Variants in PPP3CB observed in about 807,000 individuals in gnomAD.
The protein encoded by PPP3CB is serine/threonine-protein phosphatase 2B catalytic subunit beta isoform.
A neutral mutation model predicts 66.4 loss-of-function variants in PPP3CB; 8 were observed. The observed-to-expected ratio is 0.12, with a 90% CI of 0.07 to 0.22. PPP3CB has a LOEUF of 0.22. PPP3CB is among the 10% of genes least tolerant of loss of function. The pLI is 1.00. For missense variants in PPP3CB, 319 were observed against 642.5 expected (o/e 0.50, Z 5.44); for synonymous variants, 208 against 221.2 (o/e 0.94, Z 0.53).
intron 10 of PPP3CB, among the ~76,000 whole-genome samples, chr10:73,449,026 ACTG>A (rs1397413806): frequency 6.6e-6 from 1 of 152,242 alleles, no homozygotes; most frequent in Non-Finnish European, 1.5e-5. Flanking sequence ...CTGAAAAAAG[ACTG>A]CTAACAAATA....
Position 73,439,865 on chromosome 10 carries a change from A to G in PPP3CB, c.1396+7T>C. On this transcript the variant is annotated splice_region_variant and intron_variant, in intron 13 of 13. Coordinates refer to ENST00000360663, the MANE Select transcript of PPP3CB (RefSeq NM_021132.4). ...ATCTCTGCCCAGCACAAGGACTCTG[A>G]TCATACCTTTTTCAGCCTCAATAGC... The G allele has an allele frequency of 6.2e-7, 1 of 1,613,200 alleles. No homozygotes were observed. Among genetic ancestry groups the G allele is most frequent in the South Asian group, 1.1e-5 (1 of 91,044 alleles).
At chr10:73,484,074 T>C (rs1026865239) in intron 1 of PPP3CB, among the ~76,000 whole-genome samples, 1 of 151,706 alleles carries the variant, frequency 6.6e-6, no homozygotes, top group South Asian at 2.1e-4. Flanking sequence ...CCTGGTGGGG[T>C]GGAGGTTGTA....
intron 10 of PPP3CB, among the ~76,000 whole-genome samples, chr10:73,447,177 T>C (rs1444555717): frequency 6.6e-6 from 1 of 152,232 alleles, no homozygotes; most frequent in Admixed American, 6.5e-5. Flanking sequence ...AGGTGCCTAA[T>C]GTACCAGGTG....
Position 73,479,310 on chromosome 10 carries a change from A to C in PPP3CB, c.286+7T>G. 1 of 1,611,534 alleles carries C rather than the reference A, an allele frequency of 6.2e-7. No individual in the cohort carries two copies. The highest frequency in any genetic ancestry group is 8.5e-7 in the Non-Finnish European group (1 of 1,177,788). Reference sequence around the variant, plus strand: ...AAAAATAATACCCAAAACATGAATAAGCTTACCTGTGATTGGAGCTTCTAC... The same window carrying C: ...AAAAATAATACCCAAAACATGAATACGCTTACCTGTGATTGGAGCTTCTAC... On this transcript the variant is annotated splice_region_variant and intron_variant, in intron 2 of 13. Transcript: ENST00000360663.
At chr10:73,439,416 TCA>T (rs1444072068) in intron 13 of PPP3CB, among the ~76,000 whole-genome samples, 1 of 152,162 alleles carries the variant, frequency 6.6e-6, no homozygotes, top group African/African-American at 2.4e-5. Context: ...TCCTGTATTC[TCA>T]GTCAGGCACA....
chr10:73,476,742 AT>A (rs1700184739), intron 3 of PPP3CB, among the ~76,000 whole-genome samples: 2 of 152,080 alleles, frequency 1.3e-5, no homozygotes, highest in South Asian at 4.1e-4. Flanking sequence ...AATGCCTGAA[AT>A]TTTTTTGTTA....
Position 73,454,722 on chromosome 10 carries a change from C to CAA in PPP3CB, c.1109-235_1109-234dup, listed in dbSNP as rs58855717. ...TTATGGAACAAATTTTCAGGCCTCT[C>CAA]AAAAAAAAAAAAAAATGAAGCCCCA... On this transcript the variant is annotated intron_variant, in intron 9 of 13. Transcript: ENST00000360663. Among the ~76,000 whole-genome samples, 565 of 91,476 alleles carry CAA rather than the reference C, an allele frequency of 6.2e-3. 2 individuals are homozygous for CAA. The highest frequency in any genetic ancestry group is 0.017 in the African/African-American group (466 of 27,028). 60.0% of individuals were successfully genotyped at this position (91,476 alleles called of 152,430 possible).
intron 1 of PPP3CB, among the ~76,000 whole-genome samples, chr10:73,480,334 AAC>A (rs2056853138): frequency 6.6e-6 from 1 of 152,176 alleles, no homozygotes; most frequent in African/African-American, 2.4e-5. Context: ...TGAGTCACCT[AAC>A]ACACATTCTG....
intron 1 of PPP3CB, among the ~76,000 whole-genome samples, chr10:73,481,635 C>CAAAAAAAAAAAAAAAAA (rs924347498): frequency 7.3e-6 from 1 of 137,198 alleles, no homozygotes; most frequent in African/African-American, 2.6e-5. Context: ...TAAAAAAAAA[C>CAAAAAAAAAAAAAAAAA]AAAAAAAAAA....
At chr10:73,446,851 T>C (rs1443595978) in intron 10 of PPP3CB, among the ~76,000 whole-genome samples, 2 of 151,812 alleles carry the variant, frequency 1.3e-5, no homozygotes, top group Non-Finnish European at 2.9e-5. Flanking sequence ...AAAACAGCAA[T>C]GGGGAAAAAA....
At chr10:73,446,687 C>T in intron 10 of PPP3CB, 114 bp from the exon 11 acceptor site, 3 of 928,080 alleles carry the variant, frequency 3.2e-6, no homozygotes, top group Non-Finnish European at 5.1e-6. Flanking sequence ...CCCCTGCCAC[C>T]AGCTTACATG....
At chr10:73,445,298 C>G (rs2056228691) in intron 11 of PPP3CB, among the ~76,000 whole-genome samples, 1 of 152,138 alleles carries the variant, frequency 6.6e-6, no homozygotes, top group African/African-American at 2.4e-5. Context: ...AGTATCCCCT[C>G]CTTCTTATCC....
At position 73,453,985 on chromosome 10, in the gene PPP3CB, A is replaced by G. The variant is rs1264530477; in HGVS notation, c.1186+427T>C. 3.3e-5 allele frequency among the ~76,000 whole-genome samples: 5 copies of G among 152,234 alleles called. No homozygotes were observed. In the East Asian group the frequency reaches 7.7e-4, roughly 23 times the overall value. On this transcript the variant is annotated intron_variant, in intron 10 of 13. Coordinates refer to ENST00000360663, the MANE Select transcript of PPP3CB (RefSeq NM_021132.4). Reference sequence around the variant, plus strand: ...TTTTAGAACACAATCACACTAATTTAGAAGCAGTCTATTTTAGTGTCTAAA... The same window carrying G: ...TTTTAGAACACAATCACACTAATTTGGAAGCAGTCTATTTTAGTGTCTAAA...
chr10:73,475,114 A>C (rs1589708244), intron 3 of PPP3CB, 84 bp from the exon 4 acceptor site: 1 of 1,463,662 alleles, frequency 6.8e-7, no homozygotes, highest in East Asian at 2.5e-5. Flanking sequence ...TTCCTCTACT[A>C]CCCTTACCAT....
At chr10:73,449,987 G>A (rs1238211080) in intron 10 of PPP3CB, among the ~76,000 whole-genome samples, 4 of 152,092 alleles carry the variant, frequency 2.6e-5, no homozygotes, top group Non-Finnish European at 4.4e-5. Context: ...AAGTAAAGAG[G>A]GGGTTTTGCC....
chr10:73,440,398 G>A (rs575751207), intron 12 of PPP3CB, among the ~76,000 whole-genome samples: 6 of 152,140 alleles, frequency 3.9e-5, no homozygotes, highest in African/African-American at 1.2e-4. Flanking sequence ...AACTAGAAGG[G>A]GTCAGCAATG....
At chr10:73,448,533 T>C (rs544659191) in intron 10 of PPP3CB, 1 of 426,980 alleles carries the variant, frequency 2.3e-6, no homozygotes, top group African/African-American at 2.0e-5. Context: ...AGATAAAACT[T>C]AAGCTAAATT....
rs577740197 is a variant in PPP3CB, at chr10:73,478,218, A to T, written c.411+281T>A. 2.6e-5 allele frequency among the ~76,000 whole-genome samples: 4 copies of T among 152,328 alleles called. No homozygotes were observed. The South Asian group carries it at 8.3e-4, about 32-fold the overall frequency. On this transcript the variant is annotated intron_variant, in intron 3 of 13. Coordinates refer to ENST00000360663, the MANE Select transcript of PPP3CB (RefSeq NM_021132.4). ...GAGAGATAAATAGCACTAAATTTTTAAGGCCACTAGTTAACAGGGCAATAA... is the reference window on the plus strand; with the variant it reads ...GAGAGATAAATAGCACTAAATTTTTTAGGCCACTAGTTAACAGGGCAATAA...
intron 9 of PPP3CB, among the ~76,000 whole-genome samples, chr10:73,464,633 A>G (rs1049883184): frequency 6.6e-6 from 1 of 152,198 alleles, no homozygotes; most frequent in Non-Finnish European, 1.5e-5. Flanking sequence ...GGGATTCTAT[A>G]TTAAGAAATT....
Sources: gnomAD v4.1 joint callset for allele counts (sites outside exome capture counted in the v4.1 genomes callset) on GRCh38, gnomAD v4.1.1 for gene constraint, MANE v1.5 for transcripts, NCBI Gene and HGNC (gene_info 2026-07-23, HGNC 2026-07-21) for gene names.